The following GRM7 variants were observed in gnomAD, a reference collection of about 807,000 sequenced individuals.
GRM7 encodes the protein metabotropic glutamate receptor 7.
Under a neutral mutation model 84.5 loss-of-function variants are expected in GRM7, and 35 were observed. That is an observed-to-expected ratio of 0.41 (90% CI 0.32 to 0.55). The LOEUF is 0.55. Among genes scored for constraint, GRM7 ranks in the 20% least tolerant of loss-of-function variants. The pLI, the probability that GRM7 is intolerant of heterozygous loss-of-function variation, is 0.19. For synonymous variants in GRM7, 487 were observed against 455.1 expected, an observed-to-expected ratio of 1.07 and a Z score of -0.89; for missense variants, 1,003 against 1,194.6, an observed-to-expected ratio of 0.84 and a Z score of 2.36.
intron 1 of GRM7, among the ~76,000 whole-genome samples, chr3:6,906,269 C>T (rs1225075272): frequency 6.6e-6 from 1 of 152,088 alleles, no homozygotes; most frequent in Admixed American, 6.6e-5. Context: ...AGGTCAAGCT[C>T]CTTTGCTGTT....
chr3:7,533,613 G>A (rs189618870), intron 7 of GRM7, among the ~76,000 whole-genome samples: 123 of 152,238 alleles, frequency 8.1e-4, no homozygotes, highest in Non-Finnish European at 1.4e-3. Context: ...TCACAAAAGG[G>A]CTCTGGCAAT....
chr3:7,669,521 G>A (rs552355113), intron 8 of GRM7, among the ~76,000 whole-genome samples: 2 of 152,196 alleles, frequency 1.3e-5, no homozygotes, highest in Non-Finnish European at 1.5e-5. Context: ...AGAAATTTGA[G>A]CTAATGCAGC....
At chr3:7,162,728 CATTTTTTTTTTTT>C (rs1694665354) in intron 2 of GRM7, among the ~76,000 whole-genome samples, 1 of 57,102 alleles carries the variant, frequency 1.8e-5, no homozygotes, top group African/African-American at 5.2e-5. Context: ...TCCCATTTTT[CATTTTTTTTTTTT>C]TTTTTTTTTT....
chr3:7,038,967 A>G (rs1696490138), intron 1 of GRM7, among the ~76,000 whole-genome samples: 1 of 152,136 alleles, frequency 6.6e-6, no homozygotes, highest in Non-Finnish European at 1.5e-5. Flanking sequence ...CTACATATGC[A>G]AATTCTCAGG....
At chr3:6,870,046 T>A (rs1436824531) in intron 1 of GRM7, among the ~76,000 whole-genome samples, 4 of 151,992 alleles carry the variant, frequency 2.6e-5, no homozygotes, top group African/African-American at 9.7e-5. Context: ...CTTCTCCCTC[T>A]CTTCTCTCCC....
At chr3:6,910,061 G>A (rs975301649) in intron 1 of GRM7, among the ~76,000 whole-genome samples, 1 of 151,852 alleles carries the variant, frequency 6.6e-6, no homozygotes, top group Non-Finnish European at 1.5e-5. Flanking sequence ...TCCTCATTGG[G>A]GAGTTGGGCT....
chr3:7,356,920 T>TCACACACACACACACACA (rs34481316), intron 4 of GRM7, among the ~76,000 whole-genome samples: 42 of 131,284 alleles, frequency 3.2e-4, no homozygotes, highest in East Asian at 9.1e-4. Context: ...GCCTTTTTGA[T>TCACACACACACACACACA]CACACACACA....
intron 1 of GRM7, among the ~76,000 whole-genome samples, chr3:7,052,506 G>T (rs73112848): frequency 6.6e-6 from 1 of 151,278 alleles, no homozygotes; most frequent in Admixed American, 6.6e-5. Flanking sequence ...CTCTTCCATT[G>T]TCCTCCAATT....
rs77894725 is a variant in GRM7, at chr3:7,671,599, T to C, written c.2452-8450T>C. On this transcript the variant is annotated intron_variant, in intron 8 of 9. Coordinates refer to ENST00000357716, the MANE Select transcript of GRM7 (RefSeq NM_000844.4). The stretch of plus-strand genomic sequence containing the variant: ...AGTGAAACTAGGTCTTGTCCAATAC[T>C]CATCTAGTTGCCTCCATTATTTATA... Among the ~76,000 whole-genome samples the C allele has an allele frequency of 3.0e-3, 451 of 150,374 alleles. 5 individuals carry two copies. The highest frequency in any genetic ancestry group is 0.011 in the African/African-American group (433 of 40,738).
intron 1 of GRM7, among the ~76,000 whole-genome samples, chr3:6,960,391 C>T (rs1693246511): frequency 6.6e-6 from 1 of 152,098 alleles, no homozygotes; most frequent in South Asian, 2.1e-4. Flanking sequence ...GATCACCAAC[C>T]CCCAACCCAA....
At chr3:7,309,763 G>C (rs1434452295) in intron 4 of GRM7, among the ~76,000 whole-genome samples, 1 of 152,108 alleles carries the variant, frequency 6.6e-6, no homozygotes, top group Non-Finnish European at 1.5e-5. Flanking sequence ...GTGTTTCTTA[G>C]CCAAGGGTGT....
chr3:7,138,869 G>T (rs1181557158), intron 1 of GRM7, among the ~76,000 whole-genome samples: 1 of 151,182 alleles, frequency 6.6e-6, no homozygotes, highest in Non-Finnish European at 1.5e-5. Context: ...GTGTTCTGTT[G>T]TTTGTACACA....
Position 7,031,701 on chromosome 3 carries a change from C to T in GRM7, c.520-114751C>T, listed in dbSNP as rs149403789. Among the ~76,000 whole-genome samples, 4 of 152,068 alleles carry T rather than the reference C, an allele frequency of 2.6e-5. No homozygotes were observed. In the East Asian group the frequency reaches 5.8e-4, roughly 22 times the overall value. ...TATACTTGTCATTGCTACTATTGTA[C>T]GTTGATTGTATGTTCAGGTGTTAAT... On this transcript the variant is annotated intron_variant, in intron 1 of 9. Coordinates refer to ENST00000357716, the MANE Select transcript of GRM7 (RefSeq NM_000844.4).
At chr3:6,892,044 A>G (rs200145906) in intron 1 of GRM7, among the ~76,000 whole-genome samples, 1 of 151,984 alleles carries the variant, frequency 6.6e-6, no homozygotes, top group Non-Finnish European at 1.5e-5. Context: ...AGGCTTCTGC[A>G]TTCTTCACGT....
At chr3:7,347,813 G>A (rs79379181) in intron 4 of GRM7, among the ~76,000 whole-genome samples, 5,008 of 152,186 alleles carry the variant, frequency 0.033, 124 homozygotes, top group Non-Finnish European at 0.048. Context: ...TTCTTCTCCA[G>A]CACATATAAT....
chr3:7,402,894 A>G (rs1695512477), intron 4 of GRM7, among the ~76,000 whole-genome samples: 1 of 150,772 alleles, frequency 6.6e-6, no homozygotes, highest in Non-Finnish European at 1.5e-5. Flanking sequence ...TTTCCCCTCA[A>G]TCATTAGGTG....
At position 7,093,676 on chromosome 3, in the gene GRM7, C is replaced by CAAAAAAAAAAAAA. The variant is rs1209938099; in HGVS notation, c.520-52750_520-52738dup. The stretch of plus-strand genomic sequence containing the variant: ...TGGGCGATAGAGCAAGACTCTGTCT[C>CAAAAAAAAAAAAA]AAAAAAAAAAAAAAAAAAAAAAAAA... On this transcript the variant is annotated intron_variant, in intron 1 of 9. Transcript: ENST00000357716. Among the ~76,000 whole-genome samples, 5 of 13,958 alleles carry CAAAAAAAAAAAAA rather than the reference C, an allele frequency of 3.6e-4. 1 individual carries two copies. Among genetic ancestry groups the CAAAAAAAAAAAAA allele is most frequent in the African/African-American group, 1.4e-3 (5 of 3,658 alleles). The allele number at this position is 13,958 out of a possible 152,430, so 9.2% of individuals were successfully genotyped here.
At chr3:7,467,144 GTGGCGCGATCT>G (rs1429931905) in intron 7 of GRM7, among the ~76,000 whole-genome samples, 1 of 152,140 alleles carries the variant, frequency 6.6e-6, no homozygotes, top group African/African-American at 2.4e-5. Flanking sequence ...CTGGAGTGCA[GTGGCGCGATCT>G]TGGCTCACTG....
chr3:7,602,875 T>C (rs550314775), intron 8 of GRM7, among the ~76,000 whole-genome samples: 1 of 152,304 alleles, frequency 6.6e-6, no homozygotes, highest in South Asian at 2.1e-4. Context: ...TTTAGCCATT[T>C]ACACTATTTC....
Sources: gnomAD v4.1 joint callset for allele counts (sites outside exome capture counted in the v4.1 genomes callset) on GRCh38, gnomAD v4.1.1 for gene constraint, MANE v1.5 for transcripts, NCBI Gene and HGNC (gene_info 2026-07-23, HGNC 2026-07-21) for gene names.